Variants in PTCHD4 observed in about 807,000 individuals in gnomAD.
PTCHD4 encodes the protein patched domain-containing protein 4.
A neutral mutation model predicts 58.1 loss-of-function variants in PTCHD4; 33 were observed. That is an observed-to-expected ratio of 0.57 (90% CI 0.43 to 0.76). The LOEUF is 0.76. PTCHD4 is among the 30% of genes least tolerant of loss of function. The pLI is 0.00. For missense variants in PTCHD4, 1,058 were observed against 1,027.1 expected (o/e 1.03, Z -0.41); for synonymous variants, 478 against 409.6 (o/e 1.17, Z -2.02).
intron 4 of PTCHD4, among the ~76,000 whole-genome samples, chr6:47,940,569 G>T (rs922682937): frequency 6.6e-6 from 1 of 152,118 alleles, no homozygotes; most frequent in Non-Finnish European, 1.5e-5. Context: ...CTGCATCTGA[G>T]CCTAAAATTA....
At chr6:47,893,201 G>T (rs1362068780) in intron 4 of PTCHD4, among the ~76,000 whole-genome samples, 1 of 151,992 alleles carries the variant, frequency 6.6e-6, no homozygotes, top group East Asian at 1.9e-4. Context: ...AGTAGAGATG[G>T]GGTTTCACCA....
rs568115625 is a variant in PTCHD4 at position 47,862,752 on chromosome 6, A to C, written c.*15551T>G. Among the ~76,000 whole-genome samples the C allele has an allele frequency of 1.3e-5, 2 of 151,980 alleles. No homozygotes were observed. The highest frequency in any genetic ancestry group is 2.9e-5 in the Non-Finnish European group (2 of 67,816). The stretch of plus-strand genomic sequence containing the variant: ...AATATTGTTTAGAAAATAAGAACTG[A>C]TTTCCACACAGACCCATTAATACTG... On this transcript the variant is annotated 3_prime_UTR_variant, in exon 5 of 5. Coordinates refer to ENST00000339488, the MANE Select transcript of PTCHD4 (RefSeq NM_001384253.1).
chr6:47,906,200 A>C (rs944989521), intron 4 of PTCHD4, among the ~76,000 whole-genome samples: 1 of 152,232 alleles, frequency 6.6e-6, no homozygotes, highest in African/African-American at 2.4e-5. Flanking sequence ...GAGTGCCTAC[A>C]CACACGAAGA....
Position 48,111,034 on chromosome 6 carries a change from G to A in PTCHD4, c.-970+15C>T, listed in dbSNP as rs1765864598. ...CTGCTCTTATTGCTTGGAGGCTGAT[G>A]TGGGGTTCCCTTACCTTCTGGCTTT... On this transcript the variant is annotated intron_variant, in intron 1 of 4. Coordinates refer to ENST00000339488, the MANE Select transcript of PTCHD4 (RefSeq NM_001384253.1). Among the ~76,000 whole-genome samples, 1 of 151,982 alleles carries A rather than the reference G, an allele frequency of 6.6e-6. No individual in the cohort carries two copies. The highest frequency in any genetic ancestry group is 6.6e-5 in the Admixed American group (1 of 15,216).
chr6:47,973,933 A>T (rs1767602992), intron 4 of PTCHD4, among the ~76,000 whole-genome samples: 1 of 152,218 alleles, frequency 6.6e-6, no homozygotes, highest in African/African-American at 2.4e-5. Flanking sequence ...AAGTAGTAAC[A>T]TCAAAGCTAT....
rs1307963567 is a variant in PTCHD4, at chr6:48,008,945, C to A, written c.587G>T (p.Cys196Phe). The change falls in exon 4 of 5, where the codon TGT (cysteine) becomes TTT (phenylalanine). Residue 196 changes from cysteine to phenylalanine, a missense_variant. Cys to Phe is a radical substitution (Grantham distance 205). Coordinates refer to ENST00000339488, the MANE Select transcript of PTCHD4 (RefSeq NM_001384253.1). ...LIGEKWENEF[C>F]KLIRKLQEEH... ...CTCCTGGAGCTTCCTTATAAGCTTA[C>A]AGAACTCATTCTCCCACTTCTCCCC... 5 of 1,613,842 alleles carry A rather than the reference C, an allele frequency of 3.1e-6. No individual in the cohort carries two copies. In the South Asian group the frequency reaches 5.5e-5, roughly 18 times the overall value.
At position 47,857,342 on chromosome 6, in the gene PTCHD4, T is replaced by C. The variant is rs1763329290; in HGVS notation, c.*20961A>G. Among the ~76,000 whole-genome samples, 1 of 152,058 alleles carries C rather than the reference T, an allele frequency of 6.6e-6. No individual in the cohort carries two copies. The highest frequency in any genetic ancestry group is 2.1e-4 in the South Asian group (1 of 4,824). Reference sequence around the variant, plus strand: ...ACACAAAGTTTCTGCGAATACGTAGTTTCATGTAGGGCATAACTTCTATCC... The same window carrying C: ...ACACAAAGTTTCTGCGAATACGTAGCTTCATGTAGGGCATAACTTCTATCC... On this transcript the variant is annotated 3_prime_UTR_variant, in exon 5 of 5. Transcript: ENST00000339488.
chr6:48,013,912 T>C (rs1485718174), intron 3 of PTCHD4, among the ~76,000 whole-genome samples: 1 of 152,130 alleles, frequency 6.6e-6, no homozygotes, highest in Non-Finnish European at 1.5e-5. Context: ...AGGGTGCTGA[T>C]AATGTATCTG....
At chr6:47,889,767 G>A (rs955989687) in intron 4 of PTCHD4, among the ~76,000 whole-genome samples, 6 of 150,198 alleles carry the variant, frequency 4.0e-5, no homozygotes, top group Non-Finnish European at 7.4e-5. Flanking sequence ...GAAAACCTAG[G>A]CATTACCATT....
At chr6:48,081,811 A>T (rs920550504) in intron 1 of PTCHD4, among the ~76,000 whole-genome samples, 4 of 152,198 alleles carry the variant, frequency 2.6e-5, no homozygotes, top group Non-Finnish European at 5.9e-5. Context: ...AAACTTAGCT[A>T]TGTTGAATGT....
At chr6:48,092,647 G>A (rs1246599549) in intron 1 of PTCHD4, among the ~76,000 whole-genome samples, 1 of 152,104 alleles carries the variant, frequency 6.6e-6, no homozygotes, top group Non-Finnish European at 1.5e-5. Context: ...TAGTTACTTA[G>A]GTAGCCAAAA....
chr6:48,054,437 G>T (rs2114176600), intron 3 of PTCHD4, among the ~76,000 whole-genome samples: 1 of 152,152 alleles, frequency 6.6e-6, no homozygotes, highest in Non-Finnish European at 1.5e-5. Flanking sequence ...TTACATGAAA[G>T]TTTAAACTTA....
At chr6:48,093,547 T>C (rs746520935) in intron 1 of PTCHD4, among the ~76,000 whole-genome samples, 12 of 152,122 alleles carry the variant, frequency 7.9e-5, no homozygotes, top group Non-Finnish European at 1.8e-4. Flanking sequence ...CAAAGTAGTA[T>C]ACCATTAAAC....
chr6:47,998,734 A>G (rs1768598376), intron 4 of PTCHD4, among the ~76,000 whole-genome samples: 1 of 152,194 alleles, frequency 6.6e-6, no homozygotes, highest in Admixed American at 6.5e-5. Flanking sequence ...CAAGATAGCT[A>G]TCTTTTCCAC....
intron 3 of PTCHD4, among the ~76,000 whole-genome samples, chr6:48,032,534 C>T (rs868661113): frequency 6.6e-6 from 1 of 151,520 alleles, no homozygotes; most frequent in African/African-American, 2.4e-5. Flanking sequence ...TAGACAGAAG[C>T]GAAATTAAGT....
Position 47,878,276 on chromosome 6 carries a change from G to T in PTCHD4, c.*27C>A. The T allele has an allele frequency of 6.5e-7, 1 of 1,535,652 alleles. No individual in the cohort carries two copies. Among genetic ancestry groups the T allele is most frequent in the Non-Finnish European group, 8.7e-7 (1 of 1,144,646 alleles). ...TGCATCATTGTGCAATACTGGAAAA[G>T]AAAAATAATCCACTGGTCTATACCC... is the stretch of plus-strand genomic sequence containing the variant. On this transcript the variant is annotated 3_prime_UTR_variant, in exon 5 of 5. Coordinates refer to ENST00000339488, the MANE Select transcript of PTCHD4 (RefSeq NM_001384253.1).
chr6:47,978,345 A>T (rs1767770041), intron 4 of PTCHD4, among the ~76,000 whole-genome samples: 1 of 152,174 alleles, frequency 6.6e-6, no homozygotes, highest in Admixed American at 6.5e-5. Context: ...GAGCACTACT[A>T]AACTACCAAG....
At chr6:47,897,779 G>A (rs1273305639) in intron 4 of PTCHD4, among the ~76,000 whole-genome samples, 1 of 152,116 alleles carries the variant, frequency 6.6e-6, no homozygotes, top group Non-Finnish European at 1.5e-5. Context: ...GCAAGGAGGA[G>A]AGTTGATTTA....
At chr6:47,892,773 A>G (rs1456366246) in intron 4 of PTCHD4, among the ~76,000 whole-genome samples, 1 of 152,238 alleles carries the variant, frequency 6.6e-6, no homozygotes, top group East Asian at 1.9e-4. Context: ...TAATGCTTCA[A>G]AGGACAAGTT....
Sources: gnomAD v4.1 joint callset for allele counts (sites outside exome capture counted in the v4.1 genomes callset) on GRCh38, gnomAD v4.1.1 for gene constraint, MANE v1.5 for transcripts, NCBI Gene and HGNC (gene_info 2026-07-23, HGNC 2026-07-21) for gene names.